The following EPHA5 variants were observed in gnomAD, a reference collection of about 807,000 sequenced individuals.
The protein encoded by EPHA5 is EPH receptor A5, also known as ephrin type-A receptor 5.
In EPHA5, 60 loss-of-function variants were observed where a neutral mutation model predicts 105.0. The observed-to-expected ratio is 0.57, with a 90% CI of 0.46 to 0.71. EPHA5 has a LOEUF of 0.71. EPHA5 is among the 30% of genes least tolerant of loss of function. EPHA5 has a pLI of 0.00. For missense variants in EPHA5, 1,218 were observed against 1,274.7 expected, an observed-to-expected ratio of 0.96 and a Z score of 0.68; for synonymous variants, 513 against 449.1, an observed-to-expected ratio of 1.14 and a Z score of -1.80.
At chr4:65,483,697 G>C (rs971352088) in intron 5 of EPHA5, among the ~76,000 whole-genome samples, 2 of 151,942 alleles carry the variant, frequency 1.3e-5, no homozygotes, top group African/African-American at 4.8e-5. Flanking sequence ...TTTTGTCTTG[G>C]GTTCATATTA....
At chr4:65,600,028 T>C (rs1362644373) in intron 3 of EPHA5, among the ~76,000 whole-genome samples, 1 of 152,138 alleles carries the variant, frequency 6.6e-6, no homozygotes, top group Admixed American at 6.5e-5. Context: ...TTCTCTAAAA[T>C]GATAGAAACA....
At chr4:65,472,444 C>T (rs1729378719) in intron 5 of EPHA5, among the ~76,000 whole-genome samples, 1 of 152,186 alleles carries the variant, frequency 6.6e-6, no homozygotes, top group Non-Finnish European at 1.5e-5. Flanking sequence ...CCCACATTTC[C>T]CTTCTGAGGT....
In EPHA5 at chr4:65,365,672, TA is replaced by T. The variant is rs1560458059; in HGVS notation, c.1987+259del. 1.8e-4 allele frequency among the ~76,000 whole-genome samples: 20 copies of T among 108,554 alleles called. 2 individuals carry two copies. The highest frequency in any genetic ancestry group is 2.8e-4 in the Non-Finnish European group (13 of 46,696). 71.2% of individuals were successfully genotyped at this position (108,554 alleles called of 152,430 possible). A position where few individuals can be genotyped will look rare whatever the true frequency, so the allele number is the denominator to read the frequency against. On this transcript the variant is annotated intron_variant, in intron 10 of 16. Coordinates refer to ENST00000613740, the MANE Select transcript of EPHA5 (RefSeq NM_001281766.3). ...CACTATATATATATATATATATATA[TA>T]TATATATATATATATAGTGAAACAT...
chr4:65,570,734 A>C (rs1740046536), intron 3 of EPHA5, among the ~76,000 whole-genome samples: 1 of 151,944 alleles, frequency 6.6e-6, no homozygotes, highest in African/African-American at 2.4e-5. Context: ...GCAGAATTTC[A>C]TTGTCTCTGT....
intron 7 of EPHA5, among the ~76,000 whole-genome samples, chr4:65,410,496 C>T (rs930239744): frequency 1.3e-5 from 2 of 152,116 alleles, no homozygotes; most frequent in African/African-American, 4.8e-5. Flanking sequence ...TGTTTGATGA[C>T]TTGAGGTCGG....
chr4:65,529,906 G>A (rs979788961), intron 3 of EPHA5, among the ~76,000 whole-genome samples: 2 of 151,798 alleles, frequency 1.3e-5, no homozygotes, highest in African/African-American at 4.8e-5. Flanking sequence ...AAATAATATC[G>A]AAATTATACA....
intron 4 of EPHA5, among the ~76,000 whole-genome samples, chr4:65,492,534 T>G (rs1731508475): frequency 3.0e-5 from 3 of 100,878 alleles, no homozygotes; most frequent in Admixed American, 1.1e-4. Context: ...ACTTGACATC[T>G]TTGCAAAAAA....
intron 3 of EPHA5, among the ~76,000 whole-genome samples, chr4:65,521,343 G>C (rs1477557873): frequency 6.6e-6 from 1 of 152,040 alleles, no homozygotes; most frequent in South Asian, 2.1e-4. Flanking sequence ...TTGGACACAG[G>C]AAGGGGAACA....
intron 8 of EPHA5, among the ~76,000 whole-genome samples, chr4:65,372,662 A>G (rs1049813426): frequency 2.0e-5 from 3 of 151,878 alleles, no homozygotes; most frequent in Non-Finnish European, 4.4e-5. Context: ...ATTATACCAC[A>G]CAAAATGAGA....
At chr4:65,485,079 T>C (rs1374902347) in intron 5 of EPHA5, among the ~76,000 whole-genome samples, 1 of 151,726 alleles carries the variant, frequency 6.6e-6, no homozygotes, top group Non-Finnish European at 1.5e-5. Flanking sequence ...TAAATAATTT[T>C]ATTCATTTTA....
intron 11 of EPHA5, among the ~76,000 whole-genome samples, chr4:65,355,773 AGG>A (rs112930689): frequency 6.6e-6 from 1 of 151,600 alleles, no homozygotes; most frequent in Admixed American, 6.6e-5. Context: ...ACTCACATAA[AGG>A]GGACACATGG....
chr4:65,331,179 T>C lies in EPHA5; in HGVS notation c.2945+794A>G, dbSNP rs556737786. The C allele has an allele frequency of 1.4e-5, 14 of 1,029,034 alleles. No individual in the cohort carries two copies. In the Admixed American group the frequency reaches 6.1e-4, roughly 45 times the overall value. 63.7% of individuals were successfully genotyped at this position (1,029,034 alleles called of 1,614,324 possible). A position where few individuals can be genotyped will look rare whatever the true frequency, so the allele number is the denominator to read the frequency against. On this transcript the variant is annotated intron_variant, in intron 16 of 16. Transcript: ENST00000613740. Reference sequence around the variant, plus strand: ...AATTTGAAGTAAGTTATCATTATATTCACAGGTTAAAACATTAATGTTAAT... The same window carrying C: ...AATTTGAAGTAAGTTATCATTATATCCACAGGTTAAAACATTAATGTTAAT...
intron 8 of EPHA5, among the ~76,000 whole-genome samples, chr4:65,377,811 G>A (rs1560470953): frequency 6.6e-6 from 1 of 151,860 alleles, no homozygotes; most frequent in Non-Finnish European, 1.5e-5. Context: ...TTTATTGATA[G>A]AAAACATGTA....
intron 13 of EPHA5, 83 bp downstream of exon 13, chr4:65,351,306 G>C (rs1722789726): frequency 1.7e-6 from 2 of 1,211,756 alleles, no homozygotes; most frequent in Non-Finnish European, 2.3e-6. Context: ...TTGCAGGAAT[G>C]CTCTTTTAGC....
intron 3 of EPHA5, among the ~76,000 whole-genome samples, chr4:65,527,638 G>A (rs144721344): frequency 5.3e-5 from 8 of 152,000 alleles, no homozygotes; most frequent in Non-Finnish European, 1.0e-4. Context: ...AATAACTGCC[G>A]GCTACTGGAA....
chr4:65,452,239 G>T (rs1343254694), intron 5 of EPHA5, among the ~76,000 whole-genome samples: 5 of 152,130 alleles, frequency 3.3e-5, no homozygotes, highest in African/African-American at 1.2e-4. Context: ...TATTTGGTGT[G>T]GTGGGAGTTA....
At chr4:65,594,563 C>T (rs1037619559) in intron 3 of EPHA5, among the ~76,000 whole-genome samples, 1 of 152,154 alleles carries the variant, frequency 6.6e-6, no homozygotes, top group Admixed American at 6.5e-5. Context: ...CTTTCACTAG[C>T]ATAATTTCTT....
At chr4:65,477,602 A>C (rs928077065) in intron 5 of EPHA5, among the ~76,000 whole-genome samples, 9 of 151,846 alleles carry the variant, frequency 5.9e-5, no homozygotes, top group Admixed American at 4.6e-4. Flanking sequence ...TAGTAGAGTC[A>C]GGGGTTTCAC....
chr4:65,528,004 T>C (rs1332672183), intron 3 of EPHA5, among the ~76,000 whole-genome samples: 4 of 152,146 alleles, frequency 2.6e-5, no homozygotes, highest in African/African-American at 7.2e-5. Flanking sequence ...AATAAATGAA[T>C]ATTTAAGAGT....
Sources: allele counts gnomAD v4.1 joint callset (sites outside exome capture counted in the v4.1 genomes callset), GRCh38; gene constraint gnomAD v4.1.1; transcripts MANE v1.5; gene names NCBI Gene and HGNC (gene_info 2026-07-23, HGNC 2026-07-21).